OOSP1: variants seen among roughly 807,000 people sequenced by gnomAD.
The protein encoded by OOSP1 is oocyte secreted protein 1.
In OOSP1, 11 loss-of-function variants were observed where a neutral mutation model predicts 5.7. The ratio of observed to expected loss-of-function variants is 1.94; its 90% confidence interval spans 1.22 to 3.20. The LOEUF (loss-of-function observed/expected upper bound fraction) is 3.20. Among genes scored for constraint, OOSP1 ranks in the 30% most tolerant of loss-of-function variants. OOSP1 has a pLI of 0.00. For synonymous variants in OOSP1, 44 were observed against 20.0 expected (o/e 2.20, Z -3.20); for missense variants, 83 against 54.1 (o/e 1.53, Z -1.67).
At chr11:59,956,165 C>T (rs1326081086) in intron 4 of OOSP1, among the ~76,000 whole-genome samples, 1 of 151,912 alleles carries the variant, frequency 6.6e-6, no homozygotes, top group Non-Finnish European at 1.5e-5. Context: ...TTTCCTCCTT[C>T]CCTTCCTCTC....
intron 2 of OOSP1, 130 bp from the exon 3 acceptor site, chr11:59,945,039 T>C: frequency 1.6e-6 from 1 of 626,582 alleles, no homozygotes; most frequent in South Asian, 1.9e-5. Flanking sequence ...ACAGATGCTA[T>C]TTATAGTTGA....
intron 4 of OOSP1, among the ~76,000 whole-genome samples, chr11:59,949,728 G>A (rs1853920900): frequency 6.6e-6 from 1 of 152,128 alleles, no homozygotes; most frequent in Non-Finnish European, 1.5e-5. Context: ...CCAAATGGAG[G>A]AGTGACATGA....
At position 59,952,878 on chromosome 11, in the gene OOSP1, A is replaced by G. The variant is rs182735358; in HGVS notation, c.487-4317A>G. 3.3e-5 allele frequency among the ~76,000 whole-genome samples: 5 copies of G among 152,260 alleles called. No individual in the cohort carries two copies. The East Asian group carries it at 9.6e-4, about 29-fold the overall frequency. ...AGTAATTATTAATGTGGTGGCTGCA[A>G]ATATTGATTTCTGCCCCACCTTTGC... On this transcript the variant is annotated intron_variant, in intron 4 of 4. Transcript: ENST00000646685.
At chr11:59,954,155 G>A (rs1443874076) in intron 4 of OOSP1, among the ~76,000 whole-genome samples, 3 of 152,120 alleles carry the variant, frequency 2.0e-5, no homozygotes, top group Admixed American at 1.3e-4. Flanking sequence ...GATAAACAGG[G>A]TACACGTGTA....
chr11:59,957,003 G>A (rs895241281), intron 4 of OOSP1, among the ~76,000 whole-genome samples, 192 bp from the exon 5 acceptor site: 18 of 152,124 alleles, frequency 1.2e-4, no homozygotes, highest in African/African-American at 3.4e-4. Flanking sequence ...CGAATTGTGC[G>A]GCTATAAACA....
At chr11:59,955,874 C>T (rs979822417) in intron 4 of OOSP1, among the ~76,000 whole-genome samples, 1 of 152,176 alleles carries the variant, frequency 6.6e-6, no homozygotes, top group Admixed American at 6.6e-5. Context: ...TCAACTGATC[C>T]TCCTATTTCG....
At chr11:59,940,070 G>C (rs111710144) in intron 1 of OOSP1, among the ~76,000 whole-genome samples, 3 of 152,298 alleles carry the variant, frequency 2.0e-5, no homozygotes, top group Non-Finnish European at 4.4e-5. Flanking sequence ...TTAAGATTTC[G>C]GAATTGCAGT....
intron 1 of OOSP1, among the ~76,000 whole-genome samples, chr11:59,939,782 CTTTCT>C (rs1285466349): frequency 6.7e-6 from 1 of 149,472 alleles, no homozygotes; most frequent in Non-Finnish European, 1.5e-5. Flanking sequence ...TCATCTTTCT[CTTTCT>C]TTTCTTTTTC....
In OOSP1 at chr11:59,939,733, T is replaced by G. The variant is rs548485562; in HGVS notation, c.76+1203T>G. 2.0e-5 allele frequency among the ~76,000 whole-genome samples: 3 copies of G among 151,908 alleles called. No individual in the cohort carries two copies. The East Asian group carries it at 5.8e-4, about 29-fold the overall frequency. On this transcript the variant is annotated intron_variant, in intron 1 of 4. Transcript: ENST00000646685. Reference sequence around the variant, plus strand: ...CTTCCTCTTTCTCTTTCTCTTCTTTTTCTCTTTTTTCTTTTTCTCTTCTTT... The same window carrying G: ...CTTCCTCTTTCTCTTTCTCTTCTTTGTCTCTTTTTTCTTTTTCTCTTCTTT...
chr11:59,948,041 C>A (rs542203890), intron 4 of OOSP1, among the ~76,000 whole-genome samples, 179 bp downstream of exon 4: 3 of 152,250 alleles, frequency 2.0e-5, no homozygotes, highest in East Asian at 1.9e-4. Flanking sequence ...TTTTATTGAT[C>A]ATGGTGGTCT....
chr11:59,948,800 G>A, intron 4 of OOSP1: 1 of 398,046 alleles, frequency 2.5e-6, no homozygotes, highest in Non-Finnish European at 4.4e-6. Flanking sequence ...AGGCAATTTG[G>A]AATCTCTGCC....
chr11:59,951,711 T>C, intron 4 of OOSP1, among the ~76,000 whole-genome samples: 1 of 124,598 alleles, frequency 8.0e-6, no homozygotes, highest in South Asian at 2.6e-4. Context: ...ATGAACTGCA[T>C]TTTTTTTTTT....
chr11:59,949,531 A>G (rs1373864949), intron 4 of OOSP1, among the ~76,000 whole-genome samples: 3 of 152,096 alleles, frequency 2.0e-5, no homozygotes, highest in African/African-American at 2.4e-5. Context: ...GGAACAGCTG[A>G]TGTAAAGTCA....
intron 1 of OOSP1, among the ~76,000 whole-genome samples, chr11:59,942,124 T>C (rs907409513): frequency 6.6e-6 from 1 of 152,178 alleles, no homozygotes; most frequent in East Asian, 1.9e-4. Context: ...AAAATTTTCC[T>C]TTAGTGAAGT....
chr11:59,942,866 C>T (rs1346703955), exon 2 of OOSP1: 1 of 702,404 alleles, frequency 1.4e-6, no homozygotes, highest in East Asian at 2.7e-5. Context: ...TACACTGCAC[C>T]CAGTTTTGGT....
chr11:59,946,252 A>G (rs1026979207), intron 3 of OOSP1, among the ~76,000 whole-genome samples: 3 of 152,240 alleles, frequency 2.0e-5, no homozygotes, highest in African/African-American at 7.2e-5. Flanking sequence ...CCTTATGAGA[A>G]TCTAATGCCT....
intron 4 of OOSP1, among the ~76,000 whole-genome samples, chr11:59,955,897 G>A (rs1285107707): frequency 1.3e-5 from 2 of 152,186 alleles, no homozygotes; most frequent in Admixed American, 1.3e-4. Flanking sequence ...CTCCCAAAGT[G>A]CTGGGATTAC....
intron 4 of OOSP1, among the ~76,000 whole-genome samples, chr11:59,956,134 A>G (rs1251966832): frequency 6.6e-6 from 1 of 151,992 alleles, no homozygotes; most frequent in Non-Finnish European, 1.5e-5. Flanking sequence ...CAAGAATGCC[A>G]TCATTAGGCT....
At chr11:59,938,862 G>T (rs915063579) in intron 1 of OOSP1, among the ~76,000 whole-genome samples, 3 of 152,138 alleles carry the variant, frequency 2.0e-5, no homozygotes, top group Non-Finnish European at 1.5e-5. Context: ...CAGAGGAGTG[G>T]GTGGTGGTAG....
Sources: allele counts gnomAD v4.1 joint callset (sites outside exome capture counted in the v4.1 genomes callset), GRCh38; gene constraint gnomAD v4.1.1; transcripts MANE v1.5; gene names NCBI Gene and HGNC (gene_info 2026-07-23, HGNC 2026-07-21).